The following NDUFS7 variants were observed in gnomAD, a reference collection of about 807,000 sequenced individuals.
The protein encoded by NDUFS7 is NADH dehydrogenase [ubiquinone] iron-sulfur protein 7, mitochondrial.
NDUFS7 carries 11 observed loss-of-function variants against 31.1 expected under a neutral mutation model. The observed-to-expected ratio is 0.35, with a 90% CI of 0.22 to 0.59. The LOEUF is 0.59. Ranked by LOEUF, NDUFS7 falls within the 20% of genes least tolerant of loss-of-function variation. The pLI is 0.79. For synonymous variants in NDUFS7, 136 were observed against 127.9 expected (o/e 1.06, Z -0.43); for missense variants, 263 against 324.2 (o/e 0.81, Z 1.45).
chr19:1,395,262 C>T (rs1265614395), intron 7 of NDUFS7, 129 bp from the exon 8 acceptor site: 29 of 1,474,948 alleles, frequency 2.0e-5, no homozygotes, highest in Non-Finnish European at 2.6e-5. Flanking sequence ...CTGCGCCCAC[C>T]CAGGGCTGTC....
Position 1,393,946 on chromosome 19 carries a change from G to A in NDUFS7, c.544+616G>A. ...TATCTGGTGATCCCGTGGGACTCTT[G>A]CACCTCACGTGGTCCCACGAGGGCC... On this transcript the variant is annotated intron_variant, in intron 7 of 7. Coordinates refer to ENST00000233627, the MANE Select transcript of NDUFS7 (RefSeq NM_024407.5). This position sits in a 1 kb window ranked among gnomAD's most constrained non-coding sequence, Gnocchi z 7.3. The A allele has an allele frequency of 4.2e-6, 1 of 239,892 alleles. No homozygotes were observed. Among genetic ancestry groups the A allele is most frequent in the South Asian group, 5.4e-5 (1 of 18,436 alleles). 14.9% of individuals were successfully genotyped at this position (239,892 alleles called of 1,614,324 possible).
Position 1,395,534 on chromosome 19 carries a change from C to G in NDUFS7, c.*46C>G. 3 of 1,547,872 alleles carry G rather than the reference C, an allele frequency of 1.9e-6. No homozygotes were observed. The highest frequency in any genetic ancestry group is 2.6e-6 in the Non-Finnish European group (3 of 1,144,372). On this transcript the variant is annotated 3_prime_UTR_variant, in exon 8 of 8. Transcript: ENST00000233627. ...GAGCCTGTCGCCGTCCTGTCCCCAG[C>G]CTGCTTGTGTCCCGTGAGGTTGTCA... is the stretch of plus-strand genomic sequence containing the variant.
Position 1,389,256 on chromosome 19 carries a change from CAT to C in NDUFS7, c.228+322_228+323del, listed in dbSNP as rs992807637. Reference sequence around the variant, plus strand: ...TTGCACTCATGCACACTCATGCGCACATATACACATGCACACGCACACTCGCA... The same window carrying C: ...TTGCACTCATGCACACTCATGCGCACATACACATGCACACGCACACTCGCA... On this transcript the variant is annotated intron_variant, in intron 4 of 7. Transcript: ENST00000233627. The C allele has an allele frequency of 8.2e-5, 53 of 645,434 alleles. No individual in the cohort carries two copies. In the African/African-American group the frequency reaches 8.6e-4, roughly 10 times the overall value. 40.0% of individuals were successfully genotyped at this position (645,434 alleles called of 1,614,324 possible). A position where few individuals can be genotyped will look rare whatever the true frequency, so the allele number is the denominator to read the frequency against.
At chr19:1,389,330 C>T (rs1171708457) in intron 4 of NDUFS7, 3 of 498,156 alleles carry the variant, frequency 6.0e-6, no homozygotes, top group Non-Finnish European at 1.2e-5. Flanking sequence ...TGCACACTCA[C>T]ACACATGCAC....
At chr19:1,387,243 T>G (rs1358225395) in intron 1 of NDUFS7, 1 of 169,700 alleles carries the variant, frequency 5.9e-6, no homozygotes, top group Non-Finnish European at 1.3e-5. Flanking sequence ...CACACGCTTG[T>G]CAGGCACAGC....
At chr19:1,392,185 C>T (rs943383008) in intron 6 of NDUFS7, 2 of 152,032 alleles carry the variant, frequency 1.3e-5, no homozygotes, top group South Asian at 2.1e-4. Flanking sequence ...CAGAGTCTCA[C>T]TGAGTTGCCC....
chr19:1,390,485 C>G (rs1428449273), intron 4 of NDUFS7: 11 of 320,508 alleles, frequency 3.4e-5, no homozygotes, highest in Non-Finnish European at 4.1e-5. Flanking sequence ...AGGCGTCGCA[C>G]TTGGTATGTG....
chr19:1,393,734 G>T lies in NDUFS7; in HGVS notation c.544+404G>T. On this transcript the variant is annotated intron_variant, in intron 7 of 7. Coordinates refer to ENST00000233627, the MANE Select transcript of NDUFS7 (RefSeq NM_024407.5). This position sits in a 1 kb window ranked among gnomAD's most constrained non-coding sequence, Gnocchi z 7.3. ...GACTCCCTGGGACCCGGGGTGGCCGGATTTGGCAAATGAAAACGTGGGAGG... is the reference window on the plus strand; with the variant it reads ...GACTCCCTGGGACCCGGGGTGGCCGTATTTGGCAAATGAAAACGTGGGAGG... 1 of 521,620 alleles carries T rather than the reference G, an allele frequency of 1.9e-6. No homozygotes were observed. Among genetic ancestry groups the T allele is most frequent in the Non-Finnish European group, 3.4e-6 (1 of 290,208 alleles). 32.3% of individuals were successfully genotyped at this position (521,620 alleles called of 1,614,324 possible).
intron 4 of NDUFS7, 155 bp downstream of exon 4, chr19:1,389,093 G>A (rs771776554): frequency 1.4e-6 from 1 of 740,226 alleles, no homozygotes; most frequent in Non-Finnish European, 2.4e-6. Flanking sequence ...TCACATGTAT[G>A]GACAGATGTG....
At chr19:1,385,438 G>A (rs755362948) in intron 1 of NDUFS7, among the ~76,000 whole-genome samples, 2 of 152,096 alleles carry the variant, frequency 1.3e-5, no homozygotes, top group African/African-American at 4.8e-5. Flanking sequence ...GCTTGAACCC[G>A]GGAGGCGGAG....
intron 1 of NDUFS7, among the ~76,000 whole-genome samples, chr19:1,385,712 G>A (rs1255482822): frequency 1.3e-5 from 2 of 151,920 alleles, no homozygotes; most frequent in Non-Finnish European, 2.9e-5. Context: ...CCAGCTACTC[G>A]GGAGGCTGAG....
intron 4 of NDUFS7, chr19:1,389,702 C>G (rs1049694585): frequency 2.8e-6 from 1 of 356,998 alleles, no homozygotes; most frequent in Non-Finnish European, 5.6e-6. Flanking sequence ...CCCCCTGCAG[C>G]GTGAGCACGT....
intron 3 of NDUFS7, 85 bp from the exon 4 acceptor site, chr19:1,388,748 T>C (rs1361890936): frequency 1.4e-6 from 2 of 1,476,666 alleles, no homozygotes; most frequent in South Asian, 1.2e-5. Flanking sequence ...TCCAGGCCTC[T>C]GGCAGCGGCC....
intron 7 of NDUFS7, chr19:1,395,118 G>A: frequency 7.4e-7 from 1 of 1,355,992 alleles, no homozygotes; most frequent in Non-Finnish European, 9.5e-7. Context: ...GGTTAGTGAG[G>A]TCAGCGTCTT....
Position 1,395,268 on chromosome 19 carries a change from C to T in NDUFS7, c.545-123C>T, listed in dbSNP as rs2082588669. ...TCCCTGGCACTGCGCCCACCCAGGG[C>T]TGTCAGCCTCCACCTTCAGAGGCCG... On this transcript the variant is annotated intron_variant, in intron 7 of 7. Transcript: ENST00000233627. 3 of 1,479,006 alleles carry T rather than the reference C, an allele frequency of 2.0e-6. No homozygotes were observed. In the Admixed American group the frequency reaches 6.6e-5, roughly 32 times the overall value. 91.6% of individuals were successfully genotyped at this position (1,479,006 alleles called of 1,614,324 possible).
At chr19:1,392,599 C>T (rs2144622883) in intron 6 of NDUFS7, 1 of 157,278 alleles carries the variant, frequency 6.4e-6, no homozygotes, top group Admixed American at 6.0e-5. Context: ...GCGACGTCCT[C>T]AAGGTGCATC....
At chr19:1,387,266 G>A (rs1291454253) in intron 1 of NDUFS7, 4 of 177,070 alleles carry the variant, frequency 2.3e-5, no homozygotes, top group Non-Finnish European at 4.9e-5. Flanking sequence ...AGGCCAGGAC[G>A]AGCACTGGGT....
rs766075189 is a variant in NDUFS7, at chr19:1,395,479, C to T, written c.633C>T (p.Tyr211=). The part of the protein sequence containing the change: ...IKRERRLQIW[Y]RR ...GGGAGCGGAGGCTGCAGATCTGGTA[C>T]CGCAGGTAGCGCCGCCGCCGCCGCC... The change falls in exon 8 of 8, where the codon TAC becomes TAT. Residue 211 remains tyrosine, a synonymous_variant. Coordinates refer to ENST00000233627, the MANE Select transcript of NDUFS7 (RefSeq NM_024407.5). 1.3e-6 allele frequency: 2 copies of T among 1,585,230 alleles called. No homozygotes were observed. The highest frequency in any genetic ancestry group is 1.3e-5 in the African/African-American group (1 of 74,552).
intron 4 of NDUFS7, chr19:1,389,191 A>G: frequency 4.3e-6 from 3 of 690,886 alleles, no homozygotes; most frequent in South Asian, 3.0e-5. Flanking sequence ...ACACACAAGC[A>G]CATGTGCACA....
Sources: gnomAD v4.1 joint callset for allele counts (sites outside exome capture counted in the v4.1 genomes callset) on GRCh38, gnomAD v4.1.1 for gene constraint, Gnocchi (gnomAD v3.1) non-coding constraint, MANE v1.5 for transcripts, NCBI Gene and HGNC (gene_info 2026-07-23, HGNC 2026-07-21) for gene names.